The following ALG5 variants were observed in gnomAD, a reference collection of about 807,000 sequenced individuals.
ALG5 encodes dolichyl-phosphate beta-glucosyltransferase.
ALG5 carries 26 observed loss-of-function variants against 51.8 expected under a neutral mutation model. The ratio of observed to expected loss-of-function variants is 0.50; its 90% CI spans 0.37 to 0.70. The LOEUF (loss-of-function observed/expected upper bound fraction) is 0.70, where lower values mean the gene tolerates loss of function less well. ALG5 is among the 30% of genes least tolerant of loss of function. ALG5 has a pLI of 0.00. For synonymous variants in ALG5, 141 were observed against 136.1 expected (o/e 1.04, Z -0.25); for missense variants, 311 against 399.3 (o/e 0.78, Z 1.88).
At chr13:36,998,016 CCTA>C (rs2059059460) in intron 1 of ALG5, among the ~76,000 whole-genome samples, 1 of 152,050 alleles carries the variant, frequency 6.6e-6, no homozygotes, top group Admixed American at 6.5e-5. Flanking sequence ...TTTAATAACT[CCTA>C]TTAAACCAAG....
At chr13:36,957,668 A>C (rs1332775885) in intron 8 of ALG5, among the ~76,000 whole-genome samples, 4 of 152,230 alleles carry the variant, frequency 2.6e-5, no homozygotes, top group Non-Finnish European at 4.4e-5. Context: ...AACTCTCCCC[A>C]AAAAGCGGGA....
chr13:36,978,492 T>C (rs916794257), intron 6 of ALG5, among the ~76,000 whole-genome samples: 2 of 152,070 alleles, frequency 1.3e-5, no homozygotes, highest in African/African-American at 4.8e-5. Flanking sequence ...CGGTCCTCAG[T>C]ACTTTTTAAG....
intron 7 of ALG5, among the ~76,000 whole-genome samples, chr13:36,969,101 C>A (rs115121955): frequency 6.6e-6 from 1 of 152,084 alleles, no homozygotes; most frequent in African/African-American, 2.4e-5. Context: ...GTGGTTCCTG[C>A]GATTGATCCC....
At chr13:36,986,163 T>C (rs1246874503) in intron 5 of ALG5, among the ~76,000 whole-genome samples, 1 of 152,236 alleles carries the variant, frequency 6.6e-6, no homozygotes, top group Admixed American at 6.5e-5. Flanking sequence ...CATTCTAATA[T>C]ATAGATATGC....
chr13:36,961,898 C>T (rs527545004), intron 8 of ALG5, among the ~76,000 whole-genome samples: 19 of 152,080 alleles, frequency 1.2e-4, no homozygotes, highest in African/African-American at 4.3e-4. Flanking sequence ...TCTCCTGCCT[C>T]GGCCTCCCAA....
intron 7 of ALG5, among the ~76,000 whole-genome samples, chr13:36,969,245 C>A (rs1339044797): frequency 6.6e-6 from 1 of 152,030 alleles, no homozygotes; most frequent in Admixed American, 6.5e-5. Flanking sequence ...AGAATTTACA[C>A]CATGAAAAAC....
rs187229436 is a variant in ALG5 at position 36,987,417 on chromosome 13, G to A, written c.448-1677C>T. On this transcript the variant is annotated intron_variant, in intron 5 of 9. Coordinates refer to ENST00000239891, the MANE Select transcript of ALG5 (RefSeq NM_013338.5). ...CCAGTGGGAGGTGTTTGGGTCATGG[G>A]GGTGGATCCCTCATGAACAGCTTGG... Among the ~76,000 whole-genome samples the A allele has an allele frequency of 2.3e-3, 350 of 152,282 alleles. 3 individuals carry two copies. Among genetic ancestry groups the A allele is most frequent in the African/African-American group, 7.9e-3 (328 of 41,544 alleles).
At position 36,965,605 on chromosome 13, in the gene ALG5, C is replaced by G; in HGVS notation, c.743G>C (p.Arg248Pro). 2.5e-6 allele frequency: 4 copies of G among 1,613,920 alleles called. No homozygotes were observed. The highest frequency in any genetic ancestry group is 3.4e-6 in the Non-Finnish European group (4 of 1,179,936). Residue 248 changes from arginine (R) to proline (P), a missense_variant, in exon 8 of 10, where the codon CGG (arginine) becomes CCG (proline). By Grantham distance (103) the Arg-to-Pro change is moderately radical. Transcript: ENST00000239891. ...TTCAACGTGTAGAGATGAAAACGTC[C>G]GTGAAGCTGCTTCTCGAGTAAATAA... ...FKLFTREAAS[R>P]TFSSLHVERW... is the part of the protein sequence containing the mutation.
intron 8 of ALG5, among the ~76,000 whole-genome samples, chr13:36,954,180 T>C (rs1213863334): frequency 1.3e-5 from 2 of 152,152 alleles, no homozygotes; most frequent in Admixed American, 1.3e-4. Flanking sequence ...TCAACCTCCC[T>C]GGACTCAGGT....
In ALG5 at chr13:36,971,957, G is replaced by A. The variant is rs1356781763; in HGVS notation, c.621+20C>T. On this transcript the variant is annotated intron_variant, in intron 7 of 9. Coordinates refer to ENST00000239891, the MANE Select transcript of ALG5 (RefSeq NM_013338.5). ...AAAGCCAATTAATTGGCTGTCCCAT[G>A]CCAATTAATGAAGTCTCACCTGAGC... is the stretch of plus-strand genomic sequence containing the variant. 6 of 1,590,662 alleles carry A rather than the reference G, an allele frequency of 3.8e-6. No homozygotes were observed. Among genetic ancestry groups the A allele is most frequent in the South Asian group, 1.2e-5 (1 of 85,570 alleles).
rs370016246 is a variant in ALG5, at chr13:36,949,991, C to T, written c.926G>A (p.Arg309Gln). 10 of 1,613,246 alleles carry T rather than the reference C, an allele frequency of 6.2e-6. No homozygotes were observed. The highest frequency in any genetic ancestry group is 3.3e-5 in the Admixed American group (2 of 59,740). The change falls in exon 10 of 10, where the codon CGA (arginine) becomes CAA (glutamine). Residue 309 changes from arginine to glutamine, a missense_variant. By Grantham distance (43) the Arg-to-Gln change is conservative. Transcript: ENST00000239891. ...AAGCCTCCAGGCACCAGTCAAATAT[C>T]GAAGTCGTATAAAAAGTAGGTCTTT... Reference protein sequence around the residue: ...MGKDLLFIRLRYLTGAWRLEQ... With the variant: ...MGKDLLFIRLQYLTGAWRLEQ...
chr13:36,964,372 G>A (rs1421276288), intron 8 of ALG5, among the ~76,000 whole-genome samples: 1 of 152,142 alleles, frequency 6.6e-6, no homozygotes, highest in Non-Finnish European at 1.5e-5. Context: ...GGAGAAGGAT[G>A]GTGTTCTGGA....
Position 36,963,033 on chromosome 13 carries a change from A to C in ALG5, c.773+2542T>G, listed in dbSNP as rs371937854. Among the ~76,000 whole-genome samples, 4 of 152,270 alleles carry C rather than the reference A, an allele frequency of 2.6e-5. No homozygotes were observed. In the East Asian group the frequency reaches 7.8e-4, roughly 30 times the overall value. On this transcript the variant is annotated intron_variant, in intron 8 of 9. Transcript: ENST00000239891. Reference sequence around the variant, plus strand: ...GTGCAATCATAGCTCACTGCAGCCTAAACTGGGCTTATGAGATCCTCCTGC... The same window carrying C: ...GTGCAATCATAGCTCACTGCAGCCTCAACTGGGCTTATGAGATCCTCCTGC...
At chr13:36,976,748 A>AG (rs1201132710) in intron 6 of ALG5, among the ~76,000 whole-genome samples, 2 of 27,320 alleles carry the variant, frequency 7.3e-5, no homozygotes, top group African/African-American at 3.1e-4. Flanking sequence ...ACTCTGTCTC[A>AG]GGAAAAAAAA....
At chr13:36,958,148 T>G (rs559555446) in intron 8 of ALG5, among the ~76,000 whole-genome samples, 10 of 152,116 alleles carry the variant, frequency 6.6e-5, no homozygotes, top group African/African-American at 2.4e-4. Flanking sequence ...GGCCTTCCCT[T>G]GTCATATTTT....
intron 8 of ALG5, among the ~76,000 whole-genome samples, chr13:36,955,706 A>C (rs1593657181): frequency 6.8e-6 from 1 of 147,250 alleles, no homozygotes; most frequent in African/African-American, 2.6e-5. Context: ...AAAAAAAAAA[A>C]AAAAAAGATT....
At chr13:36,966,813 T>C (rs2058895751) in intron 7 of ALG5, among the ~76,000 whole-genome samples, 1 of 152,248 alleles carries the variant, frequency 6.6e-6, no homozygotes, top group African/African-American at 2.4e-5. Context: ...TAAAGGTCCC[T>C]TCCTCCTTTT....
intron 9 of ALG5, among the ~76,000 whole-genome samples, chr13:36,951,018 A>G (rs2058815757): frequency 6.6e-6 from 1 of 152,196 alleles, no homozygotes; most frequent in Non-Finnish European, 1.5e-5. Flanking sequence ...CTCTGAATTT[A>G]TATGACAGCT....
intron 9 of ALG5, among the ~76,000 whole-genome samples, chr13:36,951,227 G>T (rs910260237): frequency 1.3e-5 from 2 of 152,050 alleles, no homozygotes; most frequent in Non-Finnish European, 2.9e-5. Context: ...TTCCCATAGA[G>T]TCTAGGTTGG....
Sources: allele counts gnomAD v4.1 joint callset (sites outside exome capture counted in the v4.1 genomes callset), GRCh38; gene constraint gnomAD v4.1.1; transcripts MANE v1.5; gene names NCBI Gene and HGNC (gene_info 2026-07-23, HGNC 2026-07-21).